Variants in POLR3B observed in about 807,000 individuals in gnomAD.
The protein encoded by POLR3B is DNA-directed RNA polymerase III subunit RPC2.
POLR3B carries 96 observed loss-of-function variants against 147.4 expected under a neutral mutation model. That is an observed-to-expected ratio of 0.65 (90% CI 0.55 to 0.77). The LOEUF (loss-of-function observed/expected upper bound fraction) is 0.77, where lower values mean the gene tolerates loss of function less well. POLR3B is among the 30% of genes least tolerant of loss of function. The pLI is 0.00. For synonymous variants in POLR3B, 461 were observed against 485.9 expected, an observed-to-expected ratio of 0.95 and a Z score of 0.67; for missense variants, 1,036 against 1,413.5, an observed-to-expected ratio of 0.73 and a Z score of 4.28.
chr12:106,460,481 G>A (rs146427772), intron 22 of POLR3B, among the ~76,000 whole-genome samples: 46 of 152,294 alleles, frequency 3.0e-4, no homozygotes, highest in African/African-American at 9.1e-4. Flanking sequence ...GCTTCAGAGC[G>A]CTTCTCTTGA....
At chr12:106,382,955 C>A (rs966835005) in intron 9 of POLR3B, among the ~76,000 whole-genome samples, 1 of 152,180 alleles carries the variant, frequency 6.6e-6, no homozygotes, top group African/African-American at 2.4e-5. Flanking sequence ...CATTGAAAAT[C>A]GGTTGTTTAG....
At chr12:106,496,706 C>CTT in intron 24 of POLR3B, 46 bp from the exon 25 acceptor site, 1 of 1,557,386 alleles carries the variant, frequency 6.4e-7, no homozygotes, top group Admixed American at 1.7e-5. Flanking sequence ...AGAGAGAGTG[C>CTT]TTGTGCCACA....
At chr12:106,477,179 C>T (rs572695778) in intron 23 of POLR3B, among the ~76,000 whole-genome samples, 8,583 of 125,184 alleles carry the variant, frequency 0.069, 335 homozygotes, top group Middle Eastern at 0.13. Context: ...TTAGGCTGCT[C>T]GGGGGTCAGG....
intron 10 of POLR3B, among the ~76,000 whole-genome samples, chr12:106,401,272 A>G (rs961357782): frequency 2.0e-5 from 3 of 152,232 alleles, no homozygotes; most frequent in Non-Finnish European, 1.5e-5. Flanking sequence ...AGACTAAACC[A>G]GGAAAAAGTT....
At chr12:106,360,878 T>C (rs549309238) in intron 1 of POLR3B, among the ~76,000 whole-genome samples, 1 of 152,294 alleles carries the variant, frequency 6.6e-6, no homozygotes, top group South Asian at 2.1e-4. Context: ...TAACATGCAA[T>C]AGGTACTGTG....
intron 12 of POLR3B, among the ~76,000 whole-genome samples, chr12:106,411,975 C>T (rs11112978): frequency 5.1e-4 from 77 of 152,318 alleles, no homozygotes; most frequent in African/African-American, 1.9e-3. Context: ...TCATCCATCA[C>T]AAGCCTATTT....
chr12:106,493,787 C>G (rs1565914711), intron 23 of POLR3B, among the ~76,000 whole-genome samples: 1 of 152,234 alleles, frequency 6.6e-6, no homozygotes, highest in African/African-American at 2.4e-5. Context: ...TTCTGCTGTT[C>G]TGGCTTTCTG....
At chr12:106,507,074 A>G (rs2038699794) in intron 27 of POLR3B, among the ~76,000 whole-genome samples, 1 of 152,202 alleles carries the variant, frequency 6.6e-6, no homozygotes, top group South Asian at 2.1e-4. Flanking sequence ...TACAGAAGAC[A>G]CTAAGGGCAT....
rs1374796855 is a variant in POLR3B at position 106,420,395 on chromosome 12, T to G, written c.1102-6802T>G. 2.0e-5 allele frequency among the ~76,000 whole-genome samples: 3 copies of G among 152,288 alleles called. No homozygotes were observed. The South Asian group carries it at 6.2e-4, about 32-fold the overall frequency. On this transcript the variant is annotated intron_variant, in intron 12 of 27. Coordinates refer to ENST00000228347, the MANE Select transcript of POLR3B (RefSeq NM_018082.6). ...GTTCAGATCTTTTTCTTCTGTTTCTTCAGTCCAGTAAGACTGCAGGTCTTT... is the reference window on the plus strand; with the variant it reads ...GTTCAGATCTTTTTCTTCTGTTTCTGCAGTCCAGTAAGACTGCAGGTCTTT...
At chr12:106,360,078 A>G (rs1837306343) in intron 1 of POLR3B, among the ~76,000 whole-genome samples, 1 of 152,190 alleles carries the variant, frequency 6.6e-6, no homozygotes, top group African/African-American at 2.4e-5. Flanking sequence ...TAATCTATGC[A>G]TATCTGAAAC....
chr12:106,429,909 A>G (rs961565211), intron 13 of POLR3B, among the ~76,000 whole-genome samples: 1 of 152,196 alleles, frequency 6.6e-6, no homozygotes, highest in Non-Finnish European at 1.5e-5. Context: ...TTAAATGTGT[A>G]TAGAAATTGC....
At chr12:106,386,958 T>C (rs1245849214) in intron 9 of POLR3B, among the ~76,000 whole-genome samples, 3 of 152,184 alleles carry the variant, frequency 2.0e-5, no homozygotes, top group Non-Finnish European at 2.9e-5. Flanking sequence ...ATGTTTATAT[T>C]GTACATCTAT....
chr12:106,457,611 C>T (rs1035748596), intron 21 of POLR3B, among the ~76,000 whole-genome samples: 1 of 152,214 alleles, frequency 6.6e-6, no homozygotes, highest in Non-Finnish European at 1.5e-5. Context: ...TTCATTTACA[C>T]ATTTAGCTTA....
chr12:106,400,999 G>C (rs2037057016), intron 10 of POLR3B, among the ~76,000 whole-genome samples: 1 of 152,142 alleles, frequency 6.6e-6, no homozygotes, highest in Non-Finnish European at 1.5e-5. Flanking sequence ...AGGAAATAGA[G>C]ACACAAAAAA....
chr12:106,463,683 T>TAA, intron 23 of POLR3B, 63 bp downstream of exon 23: 1 of 1,352,266 alleles, frequency 7.4e-7, no homozygotes, highest in Non-Finnish European at 1.1e-6. Flanking sequence ...GTTAACCACT[T>TAA]AAATAAAATT....
At chr12:106,454,764 T>G in intron 20 of POLR3B, 53 bp downstream of exon 20, 1 of 906,524 alleles carries the variant, frequency 1.1e-6, no homozygotes, top group Non-Finnish European at 1.9e-6. Flanking sequence ...GAATTAGATA[T>G]AGGGATGATT....
chr12:106,482,235 C>A (rs887448686), intron 23 of POLR3B, among the ~76,000 whole-genome samples: 6 of 152,112 alleles, frequency 3.9e-5, no homozygotes, highest in African/African-American at 1.4e-4. Flanking sequence ...TCTAAAGATT[C>A]AAAGATACCA....
chr12:106,449,256 A>G (rs571686515), intron 19 of POLR3B, among the ~76,000 whole-genome samples: 17 of 152,332 alleles, frequency 1.1e-4, no homozygotes, highest in African/African-American at 3.8e-4. Flanking sequence ...TTTGACTACA[A>G]CCCATCACCT....
intron 23 of POLR3B, among the ~76,000 whole-genome samples, chr12:106,467,694 G>A (rs771774089): frequency 2.0e-5 from 3 of 151,918 alleles, no homozygotes; most frequent in Non-Finnish European, 4.4e-5. Context: ...GGCCTTTTCT[G>A]CATCTATTGA....
Sources: gnomAD v4.1 joint callset for allele counts (sites outside exome capture counted in the v4.1 genomes callset) on GRCh38, gnomAD v4.1.1 for gene constraint, MANE v1.5 for transcripts, NCBI Gene and HGNC (gene_info 2026-07-23, HGNC 2026-07-21) for gene names.